SLC35F1: variants seen among roughly 807,000 people sequenced by gnomAD.
The protein encoded by SLC35F1 is chromosome 6 open reading frame 169.
In SLC35F1, 14 loss-of-function variants were observed where a neutral mutation model predicts 48.7. The ratio of observed to expected loss-of-function variants is 0.29; its 90% CI spans 0.19 to 0.45. The LOEUF (loss-of-function observed/expected upper bound fraction) is 0.45, where lower values mean the gene tolerates loss of function less well. Among genes scored for constraint, SLC35F1 ranks in the 20% least tolerant of loss-of-function variants. SLC35F1 has a pLI of 1.00. For missense variants in SLC35F1, 404 were observed against 500.0 expected, an observed-to-expected ratio of 0.81 and a Z score of 1.83; for synonymous variants, 190 against 202.2, an observed-to-expected ratio of 0.94 and a Z score of 0.51.
intron 1 of SLC35F1, among the ~76,000 whole-genome samples, chr6:117,952,941 G>C (rs1394507590): frequency 6.6e-6 from 1 of 152,144 alleles, no homozygotes; most frequent in East Asian, 1.9e-4. Context: ...ATATTACTGA[G>C]AACCTTCACC....
At chr6:117,982,457 G>T (rs750702435) in intron 1 of SLC35F1, among the ~76,000 whole-genome samples, 1 of 152,072 alleles carries the variant, frequency 6.6e-6, no homozygotes, top group Non-Finnish European at 1.5e-5. Flanking sequence ...TTCATTCTTC[G>T]TTTCCATGCA....
At chr6:118,273,950 T>G (rs1053961364) in intron 4 of SLC35F1, among the ~76,000 whole-genome samples, 3 of 152,206 alleles carry the variant, frequency 2.0e-5, no homozygotes, top group African/African-American at 7.2e-5. Flanking sequence ...CATTTAGAGA[T>G]AGAATCTTCC....
chr6:118,088,778 A>G (rs553802469), intron 1 of SLC35F1, among the ~76,000 whole-genome samples: 1 of 152,206 alleles, frequency 6.6e-6, no homozygotes, highest in South Asian at 2.1e-4. Flanking sequence ...CATGCCATGC[A>G]TCATTGCATA....
In SLC35F1 at chr6:117,943,376, G is replaced by A. The variant is rs184388271; in HGVS notation, c.173+35477G>A. Among the ~76,000 whole-genome samples the A allele has an allele frequency of 2.0e-5, 3 of 152,284 alleles. No individual in the cohort carries two copies. The East Asian group carries it at 5.8e-4, about 29-fold the overall frequency. ...GGTGACACAATCATCTCCTTTGCAT[G>A]AGCAAAATACGTGTTATCAGATGTG... On this transcript the variant is annotated intron_variant, in intron 1 of 7. Coordinates refer to ENST00000360388, the MANE Select transcript of SLC35F1 (RefSeq NM_001029858.4).
intron 1 of SLC35F1, among the ~76,000 whole-genome samples, chr6:118,034,040 A>G (rs1157110570): frequency 6.6e-6 from 1 of 152,208 alleles, no homozygotes; most frequent in African/African-American, 2.4e-5. Context: ...TACTGTCAGA[A>G]TATTTTGTGA....
intron 1 of SLC35F1, among the ~76,000 whole-genome samples, chr6:118,028,376 G>A (rs1342979129): frequency 6.6e-6 from 1 of 152,098 alleles, no homozygotes; most frequent in Admixed American, 6.6e-5. Context: ...ATGAAAATGA[G>A]TAGGGAGGGA....
At chr6:118,107,193 CA>C (rs139824944) in intron 1 of SLC35F1, among the ~76,000 whole-genome samples, 1,812 of 152,124 alleles carry the variant, frequency 0.012, 33 homozygotes, top group African/African-American at 0.04. Context: ...GATGCATACA[CA>C]AAAAAACTGG....
At position 117,954,518 on chromosome 6, in the gene SLC35F1, C is replaced by G. The variant is rs1010998948; in HGVS notation, c.173+46619C>G. On this transcript the variant is annotated intron_variant, in intron 1 of 7. Transcript: ENST00000360388. The stretch of plus-strand genomic sequence containing the variant: ...AGGTGAGCCACCTGTCTCCATCTCC[C>G]AAAGTGCTGAGATTACAGGCGTGAG... 1.4e-4 allele frequency among the ~76,000 whole-genome samples: 21 copies of G among 152,276 alleles called. 1 individual carries two copies. In the South Asian group the frequency reaches 2.5e-3, roughly 18 times the overall value.
intron 7 of SLC35F1, among the ~76,000 whole-genome samples, chr6:118,290,154 G>A (rs1776102892): frequency 6.6e-6 from 1 of 151,412 alleles, no homozygotes; most frequent in Non-Finnish European, 1.5e-5. Context: ...TTGGCTATTA[G>A]AAATAATCTG....
intron 2 of SLC35F1, among the ~76,000 whole-genome samples, chr6:118,216,365 TCA>T (rs1262460630): frequency 1.3e-5 from 2 of 151,424 alleles, no homozygotes; most frequent in Non-Finnish European, 2.9e-5. Flanking sequence ...CCAAGATCAA[TCA>T]CTATAGTCTT....
chr6:118,089,706 T>C (rs1562286504), intron 1 of SLC35F1, among the ~76,000 whole-genome samples: 2 of 152,190 alleles, frequency 1.3e-5, no homozygotes, highest in Non-Finnish European at 2.9e-5. Context: ...GTGGATCTAT[T>C]TTCATGCCTT....
chr6:118,036,736 C>A (rs901767793), intron 1 of SLC35F1, among the ~76,000 whole-genome samples: 1 of 152,006 alleles, frequency 6.6e-6, no homozygotes, highest in South Asian at 2.1e-4. Context: ...TTTTAAACTT[C>A]TTTTGGTAGG....
intron 1 of SLC35F1, among the ~76,000 whole-genome samples, chr6:118,010,481 A>G (rs1270001965): frequency 1.3e-5 from 2 of 152,184 alleles, no homozygotes; most frequent in African/African-American, 2.4e-5. Flanking sequence ...AAAGTGGTTT[A>G]TGATATTCCA....
chr6:118,311,394 A>G (rs1339785667), intron 7 of SLC35F1, among the ~76,000 whole-genome samples: 7 of 152,234 alleles, frequency 4.6e-5, no homozygotes, highest in African/African-American at 1.7e-4. Flanking sequence ...AAGATAAAAA[A>G]AAAATAGCAG....
chr6:118,197,461 T>C (rs1774817434), intron 2 of SLC35F1, among the ~76,000 whole-genome samples: 1 of 152,220 alleles, frequency 6.6e-6, no homozygotes, highest in African/African-American at 2.4e-5. Context: ...TTTTCCCCCA[T>C]CTGGTTTAGA....
intron 1 of SLC35F1, among the ~76,000 whole-genome samples, chr6:118,139,408 A>T (rs1371106804): frequency 6.6e-6 from 1 of 152,180 alleles, no homozygotes; most frequent in Non-Finnish European, 1.5e-5. Context: ...CACCGCGCCC[A>T]GCCTTTAAAA....
intron 1 of SLC35F1, among the ~76,000 whole-genome samples, chr6:118,089,069 T>C (rs993628475): frequency 3.9e-5 from 6 of 152,164 alleles, no homozygotes; most frequent in African/African-American, 1.4e-4. Flanking sequence ...GAAATCATGG[T>C]GCCTAGAACA....
intron 7 of SLC35F1, among the ~76,000 whole-genome samples, chr6:118,304,051 T>C (rs545537698): frequency 3.9e-4 from 59 of 152,340 alleles, no homozygotes; most frequent in Non-Finnish European, 5.6e-4. Context: ...GGATGTCTTT[T>C]GGTGGACTAT....
In SLC35F1 at chr6:118,315,568, T is replaced by G. The variant is rs1417692632; in HGVS notation, c.*1316T>G. On this transcript the variant is annotated 3_prime_UTR_variant, in exon 8 of 8. Transcript: ENST00000360388. ...CATTCTCCTGCCTCAGCCTCCCGAG[T>G]AGCTGGGACTACAGGCACCTGCCAC... 6.6e-6 allele frequency: 1 copy of G among 150,820 alleles called. No homozygotes were observed. Among genetic ancestry groups the G allele is most frequent in the Non-Finnish European group, 1.5e-5 (1 of 67,932 alleles). 9.3% of individuals were successfully genotyped at this position (150,820 alleles called of 1,614,324 possible). A position where few individuals can be genotyped will look rare whatever the true frequency, so the allele number is the denominator to read the frequency against.
Sources: allele counts gnomAD v4.1 joint callset (sites outside exome capture counted in the v4.1 genomes callset), GRCh38; gene constraint gnomAD v4.1.1; transcripts MANE v1.5; gene names NCBI Gene and HGNC (gene_info 2026-07-23, HGNC 2026-07-21).